CNTNAP2: variants seen among roughly 807,000 people sequenced by gnomAD.
The protein encoded by CNTNAP2 is contactin associated protein 2.
Under a neutral mutation model 155.2 loss-of-function variants are expected in CNTNAP2, and 98 were observed. The ratio of observed to expected loss-of-function variants is 0.63; its 90% CI spans 0.54 to 0.75. The LOEUF is 0.75. Ranked by LOEUF, CNTNAP2 falls within the 30% of genes least tolerant of loss-of-function variation. CNTNAP2 has a pLI of 0.00. For missense variants in CNTNAP2, 1,727 were observed against 1,688.1 expected, an observed-to-expected ratio of 1.02 and a Z score of -0.40; for synonymous variants, 651 against 631.2, an observed-to-expected ratio of 1.03 and a Z score of -0.47.
intron 13 of CNTNAP2, among the ~76,000 whole-genome samples, chr7:147,853,971 G>A (rs532809641): frequency 1.3e-5 from 2 of 152,100 alleles, no homozygotes; most frequent in Non-Finnish European, 2.9e-5. Context: ...ATTATCTCAC[G>A]GTTTTTAAAA....
chr7:147,132,140 C>G, intron 7 of CNTNAP2, 105 bp from the exon 8 acceptor site: 3 of 1,435,538 alleles, frequency 2.1e-6, no homozygotes, highest in Non-Finnish European at 2.9e-6. Context: ...AGCTTAGGCT[C>G]AGGCTGTGCT....
intron 1 of CNTNAP2, among the ~76,000 whole-genome samples, chr7:146,497,823 A>T (rs1224205206): frequency 6.7e-6 from 1 of 148,582 alleles, no homozygotes; most frequent in Non-Finnish European, 1.5e-5. Context: ...ATATGTATGT[A>T]ATTTAATATA....
chr7:147,690,422 A>G (rs1187946490), intron 13 of CNTNAP2, among the ~76,000 whole-genome samples: 2 of 152,146 alleles, frequency 1.3e-5, no homozygotes, highest in Non-Finnish European at 2.9e-5. Context: ...CTCTTCACTC[A>G]GCATTACATC....
chr7:146,761,601 T>A (rs975344749), intron 1 of CNTNAP2, among the ~76,000 whole-genome samples: 32 of 152,234 alleles, frequency 2.1e-4, no homozygotes, highest in African/African-American at 6.7e-4. Context: ...TGATATTGAC[T>A]CTGTTGCCTG....
chr7:146,776,190 A>G (rs1026065387), intron 2 of CNTNAP2, among the ~76,000 whole-genome samples: 2 of 152,274 alleles, frequency 1.3e-5, no homozygotes, highest in East Asian at 3.9e-4. Context: ...AAAAAGAAAT[A>G]CCATATAATT....
intron 1 of CNTNAP2, among the ~76,000 whole-genome samples, chr7:146,505,500 G>A (rs186879024): frequency 1.3e-5 from 2 of 152,154 alleles, no homozygotes; most frequent in Non-Finnish European, 2.9e-5. Context: ...GAGTTACTGG[G>A]GAGCTCATAA....
chr7:146,882,868 G>A (rs1293663390), intron 3 of CNTNAP2, among the ~76,000 whole-genome samples: 1 of 152,130 alleles, frequency 6.6e-6, no homozygotes, highest in African/African-American at 2.4e-5. Flanking sequence ...TAAGCAAAGA[G>A]CTGAAGAATC....
intron 13 of CNTNAP2, among the ~76,000 whole-genome samples, chr7:147,775,249 A>G (rs1423108656): frequency 8.7e-6 from 1 of 114,722 alleles, no homozygotes; most frequent in South Asian, 2.4e-4. Flanking sequence ...ATATTTATAT[A>G]TATATTTATA....
chr7:146,387,052 A>G (rs1401590410), intron 1 of CNTNAP2, among the ~76,000 whole-genome samples: 2 of 152,072 alleles, frequency 1.3e-5, no homozygotes, highest in African/African-American at 4.8e-5. Context: ...CCCCACCCCT[A>G]CCCTATAAAA....
At chr7:146,162,207 C>G (rs1283129489) in intron 1 of CNTNAP2, among the ~76,000 whole-genome samples, 1 of 152,090 alleles carries the variant, frequency 6.6e-6, no homozygotes, top group African/African-American at 2.4e-5. Context: ...AAATAAACTA[C>G]CATCAGAGTG....
chr7:146,581,420 A>C (rs1348695389), intron 1 of CNTNAP2, among the ~76,000 whole-genome samples: 1 of 152,144 alleles, frequency 6.6e-6, no homozygotes, highest in Non-Finnish European at 1.5e-5. Context: ...TTATAATAGC[A>C]GTAGCTGAGC....
chr7:147,654,296 T>G (rs141052352), intron 13 of CNTNAP2, among the ~76,000 whole-genome samples: 1 of 152,372 alleles, frequency 6.6e-6, no homozygotes, highest in African/African-American at 2.4e-5. Flanking sequence ...GGCATCGGAA[T>G]GTTCTAAAAT....
rs566450253 is a variant in CNTNAP2, at chr7:148,181,222, T to C, written c.3010+8744T>C. ...TCATGGGACTTCTCAGCCTCCACAA[T>C]TACATGAGCCAATTCCCCTAAGAAA... On this transcript the variant is annotated intron_variant, in intron 18 of 23. Coordinates refer to ENST00000361727, the MANE Select transcript of CNTNAP2 (RefSeq NM_014141.6). Among the ~76,000 whole-genome samples the C allele has an allele frequency of 6.6e-5, 10 of 152,276 alleles. No homozygotes were observed. The South Asian group carries it at 1.5e-3, about 22-fold the overall frequency.
intron 1 of CNTNAP2, among the ~76,000 whole-genome samples, chr7:146,735,721 G>GCATATATATACATATGCATA (rs1563209925): frequency 1.3e-5 from 2 of 151,986 alleles, no homozygotes; most frequent in African/African-American, 4.8e-5. Flanking sequence ...ATATATATGT[G>GCATATATATACATATGCATA]TAGAGAATAG....
chr7:146,304,789 C>A (rs1043503614), intron 1 of CNTNAP2, among the ~76,000 whole-genome samples: 2 of 151,996 alleles, frequency 1.3e-5, no homozygotes, highest in South Asian at 4.1e-4. Flanking sequence ...GTGGAATTCT[C>A]TGTATTTCCT....
intron 14 of CNTNAP2, among the ~76,000 whole-genome samples, chr7:147,975,655 T>G (rs754856243): frequency 6.6e-6 from 1 of 152,086 alleles, no homozygotes; most frequent in Non-Finnish European, 1.5e-5. Flanking sequence ...ATTTAAAAAT[T>G]TATTATTAAT....
intron 1 of CNTNAP2, among the ~76,000 whole-genome samples, chr7:146,532,491 T>C (rs1194805655): frequency 6.6e-6 from 1 of 152,166 alleles, no homozygotes; most frequent in Non-Finnish European, 1.5e-5. Flanking sequence ...AGTGTTATTG[T>C]ATAGGACACA....
At chr7:146,353,709 T>C (rs1262615990) in intron 1 of CNTNAP2, among the ~76,000 whole-genome samples, 3 of 152,092 alleles carry the variant, frequency 2.0e-5, no homozygotes, top group African/African-American at 7.2e-5. Context: ...AAGTATGTTA[T>C]ATATCCATAC....
intron 11 of CNTNAP2, among the ~76,000 whole-genome samples, chr7:147,498,482 A>G (rs1798751785): frequency 6.6e-6 from 1 of 152,220 alleles, no homozygotes; most frequent in South Asian, 2.1e-4. Flanking sequence ...CTTCCTTTCT[A>G]CAGTCTAAAC....
Sources: allele counts gnomAD v4.1 joint callset (sites outside exome capture counted in the v4.1 genomes callset), GRCh38; gene constraint gnomAD v4.1.1; transcripts MANE v1.5; gene names NCBI Gene and HGNC (gene_info 2026-07-23, HGNC 2026-07-21).